Variants in RARB observed in about 807,000 individuals in gnomAD.
RARB encodes HBV-activated protein.
RARB carries 17 observed loss-of-function variants against 51.9 expected under a neutral mutation model. The observed-to-expected ratio is 0.33, with a 90% CI of 0.22 to 0.49. The LOEUF is 0.49. Among genes scored for constraint, RARB ranks in the 20% least tolerant of loss-of-function variants. The pLI is 0.99. For missense variants in RARB, 369 were observed against 550.8 expected, an observed-to-expected ratio of 0.67 and a Z score of 3.30; for synonymous variants, 215 against 195.4, an observed-to-expected ratio of 1.10 and a Z score of -0.84.
intron 5 of RARB, among the ~76,000 whole-genome samples, chr3:25,268,696 A>T (rs1272025721): frequency 6.6e-6 from 1 of 152,010 alleles, no homozygotes; most frequent in East Asian, 1.9e-4. Context: ...ACTTTTACCC[A>T]TTGTTCACTT....
chr3:24,839,525 C>T (rs112544200), intron 1 of RARB, among the ~76,000 whole-genome samples: 2 of 135,230 alleles, frequency 1.5e-5, no homozygotes, highest in African/African-American at 5.8e-5. Context: ...CACAGAGAAA[C>T]CCTGTCTCTG....
chr3:24,836,946 G>C (rs988143530), intron 1 of RARB, among the ~76,000 whole-genome samples: 18 of 152,158 alleles, frequency 1.2e-4, no homozygotes, highest in Non-Finnish European at 2.5e-4. Flanking sequence ...CAGTCTAAAG[G>C]TTGGATGTCC....
intron 2 of RARB, chr3:25,020,489 A>T (rs1296112252): frequency 2.0e-5 from 3 of 152,118 alleles, no homozygotes; most frequent in African/African-American, 7.2e-5. Flanking sequence ...ACAGTCTCAT[A>T]ATCACTTTAT....
intron 3 of RARB, among the ~76,000 whole-genome samples, chr3:25,534,588 C>T (rs1699061212): frequency 6.6e-6 from 1 of 152,168 alleles, no homozygotes; most frequent in East Asian, 1.9e-4. Context: ...TCCTGGGCCC[C>T]CCGGCACAGT....
chr3:25,464,409 T>C (rs185549494), intron 2 of RARB, among the ~76,000 whole-genome samples: 4 of 152,320 alleles, frequency 2.6e-5, no homozygotes, highest in East Asian at 1.9e-4. Context: ...AGTTAAGTGA[T>C]ACAGAGTCAT....
At chr3:24,839,595 C>T (rs1199478344) in intron 1 of RARB, among the ~76,000 whole-genome samples, 1 of 148,648 alleles carries the variant, frequency 6.7e-6, no homozygotes, top group Non-Finnish European at 1.5e-5. Flanking sequence ...GTGGTCCCAG[C>T]TACTTGGGAG....
At chr3:25,362,483 G>A (rs146242530) in intron 5 of RARB, among the ~76,000 whole-genome samples, 2,597 of 152,236 alleles carry the variant, frequency 0.017, 40 homozygotes, top group African/African-American at 0.038. Flanking sequence ...GGGAGTGAAC[G>A]GTTCTGTCTC....
chr3:25,569,862 C>A lies in RARB; in HGVS notation c.553C>A (p.Arg185=). 6.2e-7 allele frequency: 1 copy of A among 1,614,172 alleles called. No individual in the cohort carries two copies. The highest frequency in any genetic ancestry group is 8.5e-7 in the Non-Finnish European group (1 of 1,180,026). The part of the protein sequence containing the change: ...AELDDLTEKI[R]KAHQETFPSL... ...GTTGGACGATCTCACAGAGAAGATC[C>A]GAAAAGCTCACCAGGAAACTTTCCC... is the stretch of plus-strand genomic sequence containing the variant. The change falls in exon 4 of 8, where the codon CGA becomes AGA. Residue 185 remains arginine (R), a synonymous_variant. Transcript: ENST00000330688.
chr3:25,124,764 T>C (rs997641851), intron 3 of RARB, among the ~76,000 whole-genome samples: 6 of 152,180 alleles, frequency 3.9e-5, no homozygotes. Context: ...ATGGTCCTTA[T>C]TTGTAGCACA....
chr3:25,569,647 GT>G, intron 3 of RARB, 110 bp from the exon 4 acceptor site: 1 of 1,283,274 alleles, frequency 7.8e-7, no homozygotes, highest in East Asian at 2.3e-5. Context: ...CACTGTTTCT[GT>G]CCCAAATATC....
At chr3:25,506,167 C>T (rs551058128) in intron 3 of RARB, among the ~76,000 whole-genome samples, 8 of 146,934 alleles carry the variant, frequency 5.4e-5, no homozygotes, top group African/African-American at 1.3e-4. Context: ...GCAGGAGAAT[C>T]GCTTGAACTT....
At chr3:24,915,581 T>C (rs1290216496) in intron 2 of RARB, among the ~76,000 whole-genome samples, 1 of 152,186 alleles carries the variant, frequency 6.6e-6, no homozygotes, top group Non-Finnish European at 1.5e-5. Flanking sequence ...ACTAGAGATA[T>C]ATGCCCAAAT....
intron 2 of RARB, among the ~76,000 whole-genome samples, chr3:25,035,977 CCCTT>C (rs2125292475): frequency 6.6e-6 from 1 of 152,270 alleles, no homozygotes; most frequent in African/African-American, 2.4e-5. Context: ...CTTCACGAGA[CCCTT>C]CATAGCAGGC....
intron 2 of RARB, among the ~76,000 whole-genome samples, chr3:24,998,832 G>T (rs1249867804): frequency 6.6e-6 from 1 of 151,946 alleles, no homozygotes; most frequent in East Asian, 1.9e-4. Flanking sequence ...AAACTTGGTT[G>T]GTGCCAATTT....
At chr3:24,926,296 T>A (rs560901703) in intron 2 of RARB, among the ~76,000 whole-genome samples, 2 of 149,318 alleles carry the variant, frequency 1.3e-5, no homozygotes, top group East Asian at 1.9e-4. Flanking sequence ...AATTGAAGCC[T>A]ACTTTTAAAA....
chr3:25,571,512 C>G (rs1000695899), intron 4 of RARB, among the ~76,000 whole-genome samples: 1 of 152,218 alleles, frequency 6.6e-6, no homozygotes, highest in African/African-American at 2.4e-5. Flanking sequence ...TCGGCTTAAC[C>G]TCAACCAGTC....
chr3:24,878,307 T>C (rs953129366), intron 2 of RARB, among the ~76,000 whole-genome samples: 4 of 152,052 alleles, frequency 2.6e-5, no homozygotes, highest in African/African-American at 7.2e-5. Context: ...TAGCACGCAA[T>C]TGGATTTTGT....
chr3:25,505,670 GA>G (rs201505424), intron 3 of RARB, among the ~76,000 whole-genome samples: 21 of 148,804 alleles, frequency 1.4e-4, no homozygotes, highest in East Asian at 5.9e-4. Flanking sequence ...AATGGCAAGT[GA>G]AAAAAAAACT....
chr3:25,295,062 A>G (rs933768882), intron 5 of RARB, among the ~76,000 whole-genome samples: 3 of 152,210 alleles, frequency 2.0e-5, no homozygotes, highest in African/African-American at 7.2e-5. Flanking sequence ...CCCAAATTAT[A>G]TAGACTATGT....
Sources: allele counts gnomAD v4.1 joint callset (sites outside exome capture counted in the v4.1 genomes callset), GRCh38; gene constraint gnomAD v4.1.1; transcripts MANE v1.5; gene names NCBI Gene and HGNC (gene_info 2026-07-23, HGNC 2026-07-21).